Variants in NLGN1 observed in about 807,000 individuals in gnomAD.
The protein encoded by NLGN1 is neuroligin 1.
Under a neutral mutation model 65.5 loss-of-function variants are expected in NLGN1, and 12 were observed. The observed-to-expected ratio is 0.18, with a 90% CI of 0.12 to 0.30. The LOEUF is 0.30. Ranked by LOEUF, NLGN1 falls within the 10% of genes least tolerant of loss-of-function variation. The probability of loss-of-function intolerance (pLI) is 1.00; values close to 1 mark genes in which losing one functional copy is unlikely to be tolerated. For missense variants in NLGN1, 750 were observed against 1,007.1 expected, an observed-to-expected ratio of 0.74 and a Z score of 3.46; for synonymous variants, 350 against 359.5, an observed-to-expected ratio of 0.97 and a Z score of 0.30.
At chr3:173,780,801 A>T (rs1161078935) in intron 3 of NLGN1, among the ~76,000 whole-genome samples, 1 of 152,150 alleles carries the variant, frequency 6.6e-6, no homozygotes, top group Non-Finnish European at 1.5e-5. Flanking sequence ...AAAAATTCTG[A>T]TCACATATTT....
At chr3:173,940,266 T>C (rs752922618) in intron 4 of NLGN1, among the ~76,000 whole-genome samples, 5 of 151,852 alleles carry the variant, frequency 3.3e-5, no homozygotes, top group African/African-American at 4.8e-5. Flanking sequence ...TTTTTGTATT[T>C]TTAGGAGAGG....
intron 3 of NLGN1, among the ~76,000 whole-genome samples, chr3:173,746,352 TCTCAAGATA>T (rs1775374007): frequency 6.6e-6 from 1 of 152,110 alleles, no homozygotes; most frequent in Admixed American, 6.6e-5. Context: ...CTGTTCTTAT[TCTCAAGATA>T]AAGTTTAAAA....
intron 1 of NLGN1, among the ~76,000 whole-genome samples, chr3:173,432,594 G>T (rs576157086): frequency 6.6e-6 from 1 of 152,014 alleles, no homozygotes; most frequent in Admixed American, 6.6e-5. Context: ...TTATTGTTGA[G>T]TTTTAAGAGT....
At chr3:173,451,478 G>C (rs933379055) in intron 2 of NLGN1, among the ~76,000 whole-genome samples, 2 of 152,206 alleles carry the variant, frequency 1.3e-5, no homozygotes, top group African/African-American at 2.4e-5. Flanking sequence ...CTAATGGGGG[G>C]TGCCTCCCAG....
chr3:173,672,160 C>T (rs1033128923), intron 3 of NLGN1, among the ~76,000 whole-genome samples: 3 of 151,900 alleles, frequency 2.0e-5, no homozygotes, highest in Non-Finnish European at 2.9e-5. Flanking sequence ...GGCGACAGAG[C>T]GAGACTCCGT....
chr3:173,919,653 A>G (rs1454992712), intron 4 of NLGN1, among the ~76,000 whole-genome samples: 3 of 152,188 alleles, frequency 2.0e-5, no homozygotes, highest in African/African-American at 7.2e-5. Context: ...TAGCTAGAAC[A>G]GTTTAAAAGA....
chr3:174,078,121 G>A (rs1426045411), intron 4 of NLGN1, among the ~76,000 whole-genome samples: 3 of 152,136 alleles, frequency 2.0e-5, no homozygotes, highest in Non-Finnish European at 4.4e-5. Flanking sequence ...ACTATATGAT[G>A]TCTCTATTAT....
At chr3:173,575,675 T>G (rs997515694) in intron 2 of NLGN1, among the ~76,000 whole-genome samples, 1 of 152,236 alleles carries the variant, frequency 6.6e-6, no homozygotes, top group African/African-American at 2.4e-5. Flanking sequence ...CATAAATTTC[T>G]TTCTATTATT....
intron 4 of NLGN1, among the ~76,000 whole-genome samples, chr3:174,187,453 A>G (rs574293004): frequency 6.6e-6 from 1 of 152,120 alleles, no homozygotes; most frequent in Non-Finnish European, 1.5e-5. Flanking sequence ...TGTCCCTGGC[A>G]CACACATGAA....
chr3:173,951,585 C>T (rs1242706891), intron 4 of NLGN1, among the ~76,000 whole-genome samples: 1 of 151,878 alleles, frequency 6.6e-6, no homozygotes, highest in East Asian at 1.9e-4. Context: ...GCCTCAGCCT[C>T]CTGAGTAGCT....
At chr3:174,055,070 C>T (rs976182931) in intron 4 of NLGN1, among the ~76,000 whole-genome samples, 4 of 151,752 alleles carry the variant, frequency 2.6e-5, no homozygotes, top group Non-Finnish European at 4.4e-5. Flanking sequence ...GCTTATCCTC[C>T]ACATATATCA....
intron 4 of NLGN1, among the ~76,000 whole-genome samples, chr3:174,217,729 T>A (rs1183683603): frequency 6.6e-6 from 1 of 151,956 alleles, no homozygotes; most frequent in African/African-American, 2.4e-5. Flanking sequence ...TTTTATGAAG[T>A]GTAGGGGCAG....
intron 4 of NLGN1, among the ~76,000 whole-genome samples, chr3:174,100,438 C>T (rs1009059939): frequency 3.3e-5 from 5 of 152,150 alleles, no homozygotes; most frequent in Non-Finnish European, 7.4e-5. Context: ...TCTTGTCTCT[C>T]TTGGTTTAAA....
intron 4 of NLGN1, among the ~76,000 whole-genome samples, chr3:173,877,278 A>G (rs563928143): frequency 6.6e-6 from 1 of 152,282 alleles, no homozygotes; most frequent in South Asian, 2.1e-4. Context: ...CTTGCCAACA[A>G]TAACTAAACT....
At chr3:173,819,008 A>G (rs1374656890) in intron 4 of NLGN1, among the ~76,000 whole-genome samples, 3 of 144,306 alleles carry the variant, frequency 2.1e-5, no homozygotes, top group African/African-American at 7.7e-5. Flanking sequence ...CCTTTAAAAT[A>G]TAGTGCAATT....
At chr3:174,046,745 T>C (rs2152497170) in intron 4 of NLGN1, among the ~76,000 whole-genome samples, 1 of 152,176 alleles carries the variant, frequency 6.6e-6, no homozygotes, top group South Asian at 2.1e-4. Flanking sequence ...GAGGATCAAA[T>C]GAAATAGCTA....
chr3:173,396,684 T>G (rs1325213285), upstream of NLGN1: 3 of 152,170 alleles, frequency 2.0e-5, no homozygotes, highest in African/African-American at 7.2e-5. Context: ...CAAACGGGGC[T>G]TAGAGAGAAA....
chr3:173,701,075 A>G (rs903894657), intron 3 of NLGN1, among the ~76,000 whole-genome samples: 1 of 152,096 alleles, frequency 6.6e-6, no homozygotes, highest in Non-Finnish European at 1.5e-5. Context: ...CAGTAAGCTG[A>G]GATCTCGCCA....
At chr3:173,412,622 G>A (rs1325443031) in intron 1 of NLGN1, among the ~76,000 whole-genome samples, 2 of 151,940 alleles carry the variant, frequency 1.3e-5, no homozygotes, top group Non-Finnish European at 2.9e-5. Context: ...TTCTTGGAGG[G>A]AAGGTTTCCA....
Sources: allele counts gnomAD v4.1 joint callset (sites outside exome capture counted in the v4.1 genomes callset), GRCh38; gene constraint gnomAD v4.1.1; transcripts MANE v1.5; gene names NCBI Gene and HGNC (gene_info 2026-07-23, HGNC 2026-07-21).